RAI1: variants seen among roughly 807,000 people sequenced by gnomAD.
RAI1 encodes the protein retinoic acid induced 1.
A neutral mutation model predicts 123.8 loss-of-function variants in RAI1; 9 were observed. The ratio of observed to expected loss-of-function variants is 0.07; its 90% CI spans 0.04 to 0.13. RAI1 has a LOEUF of 0.13. Ranked by LOEUF, RAI1 falls within the 10% of genes least tolerant of loss-of-function variation. RAI1 has a pLI of 1.00. For missense variants in RAI1, 2,256 were observed against 2,545.8 expected (o/e 0.89, Z 2.45); for synonymous variants, 1,231 against 1,127.3 (o/e 1.09, Z -1.84).
chr17:17,780,055 G>A (rs2031512405), intron 2 of RAI1, among the ~76,000 whole-genome samples: 1 of 113,988 alleles, frequency 8.8e-6, no homozygotes, highest in Non-Finnish European at 1.8e-5. Flanking sequence ...GATTACAGGA[G>A]TGAGCCACTC....
At chr17:17,721,907 T>A (rs1037975827) in intron 1 of RAI1, among the ~76,000 whole-genome samples, 1 of 152,014 alleles carries the variant, frequency 6.6e-6, no homozygotes, top group African/African-American at 2.4e-5. Context: ...AGAAAAAAGG[T>A]GCCCGAGGCC....
intron 1 of RAI1, among the ~76,000 whole-genome samples, chr17:17,682,255 G>C (rs1401021451): frequency 6.6e-6 from 1 of 151,986 alleles, no homozygotes; most frequent in African/African-American, 2.4e-5. Context: ...GCGTGACCCG[G>C]GCCCGGCGTG....
At chr17:17,786,117 C>T (rs1187411357) in intron 2 of RAI1, among the ~76,000 whole-genome samples, 1 of 152,038 alleles carries the variant, frequency 6.6e-6, no homozygotes, top group East Asian at 1.9e-4. Context: ...CTGCTGCTGC[C>T]CCTCCCCCCC....
At chr17:17,697,248 C>T (rs1339953409) in intron 1 of RAI1, among the ~76,000 whole-genome samples, 1 of 152,210 alleles carries the variant, frequency 6.6e-6, no homozygotes, top group East Asian at 1.9e-4. Context: ...GATGCAGGGC[C>T]CTGTATCAGA....
chr17:17,780,211 G>A (rs970228784), intron 2 of RAI1, among the ~76,000 whole-genome samples: 4 of 151,540 alleles, frequency 2.6e-5, no homozygotes, highest in African/African-American at 9.7e-5. Context: ...AATTACAGGC[G>A]CATGCTACCA....
chr17:17,728,590 G>A (rs1406688285), intron 2 of RAI1, among the ~76,000 whole-genome samples: 1 of 152,148 alleles, frequency 6.6e-6, no homozygotes, highest in East Asian at 1.9e-4. Context: ...ACGTGCCCAA[G>A]TCTGATTGGA....
At chr17:17,688,255 C>T (rs576732675) in intron 1 of RAI1, among the ~76,000 whole-genome samples, 10 of 151,944 alleles carry the variant, frequency 6.6e-5, no homozygotes, top group East Asian at 5.9e-4. Flanking sequence ...GAGGCCAAGG[C>T]GGGTGGATCA....
intron 1 of RAI1, among the ~76,000 whole-genome samples, chr17:17,701,125 G>C (rs750455769): frequency 6.6e-6 from 1 of 152,130 alleles, no homozygotes; most frequent in Non-Finnish European, 1.5e-5. Flanking sequence ...CTCCTGGGAT[G>C]GGATTGGGGA....
At chr17:17,692,161 T>C (rs907903104) in intron 1 of RAI1, among the ~76,000 whole-genome samples, 4 of 152,148 alleles carry the variant, frequency 2.6e-5, no homozygotes, top group Non-Finnish European at 4.4e-5. Context: ...CCCTGGCTAA[T>C]TAAACAAAGA....
intron 2 of RAI1, among the ~76,000 whole-genome samples, chr17:17,736,995 G>T (rs1044193830): frequency 6.6e-6 from 1 of 152,112 alleles, no homozygotes; most frequent in Non-Finnish European, 1.5e-5. Flanking sequence ...TTGGAGTTAG[G>T]GTGGAGCCTC....
At chr17:17,762,948 C>G (rs1272948191) in intron 2 of RAI1, among the ~76,000 whole-genome samples, 1 of 152,112 alleles carries the variant, frequency 6.6e-6, no homozygotes, top group South Asian at 2.1e-4. Context: ...TGGAAACCCT[C>G]CTGCTCCAGG....
intron 1 of RAI1, chr17:17,683,833 C>T (rs532848746): frequency 6.6e-6 from 1 of 152,342 alleles, no homozygotes; most frequent in African/African-American, 2.4e-5. Context: ...TTCTCTTCCA[C>T]TAGACTGTGG....
chr17:17,683,071 C>T (rs980728278), intron 1 of RAI1, among the ~76,000 whole-genome samples: 3 of 152,232 alleles, frequency 2.0e-5, no homozygotes, highest in East Asian at 1.9e-4. Flanking sequence ...ATACTGTCCC[C>T]CGCCCCCCTT....
chr17:17,729,122 C>T (rs1437730998), intron 2 of RAI1, among the ~76,000 whole-genome samples: 2 of 152,210 alleles, frequency 1.3e-5, no homozygotes, highest in African/African-American at 2.4e-5. Context: ...TCCTCCCCAA[C>T]ACTGGCTCAT....
At chr17:17,727,802 G>T (rs775030977) in intron 2 of RAI1, among the ~76,000 whole-genome samples, 1 of 152,066 alleles carries the variant, frequency 6.6e-6, no homozygotes, top group African/African-American at 2.4e-5. Context: ...TGGGGGATGG[G>T]GTGCACCTTA....
chr17:17,795,749 C>T lies in RAI1; in HGVS notation c.2801C>T (p.Thr934Ile), dbSNP rs1249260528. 1 of 1,613,496 alleles carries T rather than the reference C, an allele frequency of 6.2e-7. No individual in the cohort carries two copies. The highest frequency in any genetic ancestry group is 8.5e-7 in the Non-Finnish European group (1 of 1,180,024). Residue 934 changes from threonine (T) to isoleucine (I), a missense_variant, in exon 3 of 6, where the codon ACC (threonine) becomes ATC (isoleucine). Thr to Ile is a moderately conservative substitution (Grantham distance 89, BLOSUM62 -1). Coordinates refer to ENST00000353383, the MANE Select transcript of RAI1 (RefSeq NM_030665.4). The surrounding 1 kb of genome is among the most constrained non-coding windows in gnomAD (Gnocchi z 5.9). Reference protein sequence around the residue: ...SVILLGPTVGTESKVQSWFES... With the variant: ...SVILLGPTVGIESKVQSWFES... ...ATCCTGCTGGGCCCTACAGTGGGCA[C>T]CGAGTCAAAGGTCCAGAGCTGGTTT...
chr17:17,809,578 C>T lies in RAI1; in HGVS notation c.5709+139C>T, dbSNP rs2032666826. On this transcript the variant is annotated intron_variant, in intron 5 of 5. Coordinates refer to ENST00000353383, the MANE Select transcript of RAI1 (RefSeq NM_030665.4). The surrounding 1 kb of genome is among the most constrained non-coding windows in gnomAD (Gnocchi z 4.9). Reference sequence around the variant, plus strand: ...CAGCCCTAGGGGAGGGAGCTCTCCCCGCCCACCCCCAGGAGCCCCCGCCGC... The same window carrying T: ...CAGCCCTAGGGGAGGGAGCTCTCCCTGCCCACCCCCAGGAGCCCCCGCCGC... The T allele has an allele frequency of 4.2e-5, 39 of 929,366 alleles. No homozygotes were observed. In the South Asian group the frequency reaches 5.8e-4, roughly 14 times the overall value. The allele number at this position is 929,366 out of a possible 1,614,324, so 57.6% of individuals were successfully genotyped here.
intron 2 of RAI1, chr17:17,778,554 A>T (rs1598073398): frequency 2.8e-6 from 1 of 361,294 alleles, no homozygotes; most frequent in Non-Finnish European, 5.5e-6. Flanking sequence ...TCCAGAGCTG[A>T]CCCCGGCACC....
chr17:17,696,040 C>CCAT (rs1344084273), intron 1 of RAI1, among the ~76,000 whole-genome samples: 1 of 152,186 alleles, frequency 6.6e-6, no homozygotes, highest in Non-Finnish European at 1.5e-5. Flanking sequence ...CTCAGGGTTG[C>CCAT]CATCGGAAAG....
Sources: gnomAD v4.1 joint callset for allele counts (sites outside exome capture counted in the v4.1 genomes callset) on GRCh38, gnomAD v4.1.1 for gene constraint, Gnocchi (gnomAD v3.1) non-coding constraint, MANE v1.5 for transcripts, NCBI Gene and HGNC (gene_info 2026-07-23, HGNC 2026-07-21) for gene names.